SPHKAP: variants seen among roughly 807,000 people sequenced by gnomAD.
The protein encoded by SPHKAP is A-kinase anchor protein SPHKAP.
In SPHKAP, 67 loss-of-function variants were observed where a neutral mutation model predicts 137.5. That is an observed-to-expected ratio of 0.49 (90% confidence interval 0.40 to 0.60). The LOEUF (loss-of-function observed/expected upper bound fraction) is 0.60. SPHKAP is among the 20% of genes least tolerant of loss of function. The pLI, the probability that SPHKAP is intolerant of heterozygous loss-of-function variation, is 0.00. For synonymous variants in SPHKAP, 813 were observed against 785.3 expected, an observed-to-expected ratio of 1.04 and a Z score of -0.59; for missense variants, 2,097 against 2,069.3, an observed-to-expected ratio of 1.01 and a Z score of -0.26.
chr2:228,023,426 G>A (rs1694913687), intron 5 of SPHKAP, among the ~76,000 whole-genome samples: 1 of 152,170 alleles, frequency 6.6e-6, no homozygotes, highest in African/African-American at 2.4e-5. Context: ...CATTTCCAAT[G>A]AATCTGTTGG....
intron 3 of SPHKAP, among the ~76,000 whole-genome samples, chr2:228,099,306 G>A (rs745403973): frequency 4.6e-5 from 7 of 152,106 alleles, no homozygotes; most frequent in Non-Finnish European, 1.0e-4. Context: ...CTCATTGCTT[G>A]TTGTTTTTGT....
At position 228,058,935 on chromosome 2, in the gene SPHKAP, C is replaced by T. The variant is rs749239516; in HGVS notation, c.247-31392G>A. On this transcript the variant is annotated intron_variant, in intron 3 of 11. Transcript: ENST00000392056. The stretch of plus-strand genomic sequence containing the variant: ...TCTCCCAAGAATTCTCTGATGCTTG[C>T]CTTTCATAGGCAGACCCTCTCCCTC... 3.3e-5 allele frequency among the ~76,000 whole-genome samples: 5 copies of T among 152,220 alleles called. No homozygotes were observed. The South Asian group carries it at 8.3e-4, about 25-fold the overall frequency.
rs758211060 is a variant in SPHKAP at position 228,017,605 on chromosome 2, G to A, written c.3249C>T (p.Cys1083=). ...DRWSRLKASS[C]ESIPEEDSEA... ...CGGAGTCTTCCTCAGGAATGCTTTC[G>A]CAGCTGGAGGCCTTCAGCCGGCTCC... The change falls in exon 7 of 12, where the codon TGC becomes TGT. Residue 1083 remains cysteine (C), a synonymous_variant. Coordinates refer to ENST00000392056, the MANE Select transcript of SPHKAP (RefSeq NM_001142644.2). 28 of 1,613,710 alleles carry A rather than the reference G, an allele frequency of 1.7e-5. No individual in the cohort carries two copies. Among genetic ancestry groups the A allele is most frequent in the African/African-American group, 2.7e-5 (2 of 74,886 alleles).
At chr2:228,072,323 G>A (rs1697029907) in intron 3 of SPHKAP, among the ~76,000 whole-genome samples, 1 of 152,058 alleles carries the variant, frequency 6.6e-6, no homozygotes, top group African/African-American at 2.4e-5. Context: ...TCTACTATAA[G>A]TGTCTACTAA....
rs371183346 is a variant in SPHKAP at position 228,089,092 on chromosome 2, A to C, written c.246+19740T>G. Among the ~76,000 whole-genome samples the C allele has an allele frequency of 2.6e-5, 4 of 152,334 alleles. 1 individual carries two copies. The highest frequency in any genetic ancestry group is 9.6e-5 in the African/African-American group (4 of 41,580). On this transcript the variant is annotated intron_variant, in intron 3 of 11. Coordinates refer to ENST00000392056, the MANE Select transcript of SPHKAP (RefSeq NM_001142644.2). ...GAAGAAGACAGGAAAATGAGTTTGG[A>C]AAGTTTGCAAGTTCTTAGACAATTG...
chr2:228,178,103 C>T lies in SPHKAP; in HGVS notation c.32+3464G>A, dbSNP rs546706647. Among the ~76,000 whole-genome samples, 4 of 152,170 alleles carry T rather than the reference C, an allele frequency of 2.6e-5. No homozygotes were observed. The South Asian group carries it at 8.3e-4, about 32-fold the overall frequency. ...ATGGTCTCCTTGCTTTTAGGCTGCC[C>T]CCATGTGTTCTGATGGTATCAGTGT... On this transcript the variant is annotated intron_variant, in intron 1 of 11. Transcript: ENST00000392056.
At chr2:228,054,880 C>T (rs1277768988) in intron 3 of SPHKAP, among the ~76,000 whole-genome samples, 2 of 151,790 alleles carry the variant, frequency 1.3e-5, no homozygotes, top group Non-Finnish European at 2.9e-5. Flanking sequence ...AAGTGGTTTG[C>T]CTGTAATCTC....
At chr2:228,134,971 C>T (rs528353390) in intron 1 of SPHKAP, among the ~76,000 whole-genome samples, 9 of 152,186 alleles carry the variant, frequency 5.9e-5, no homozygotes, top group African/African-American at 2.2e-4. Flanking sequence ...AGATATGAAA[C>T]GTCGTAGAAA....
At chr2:228,109,845 T>C (rs1698460770) in intron 2 of SPHKAP, among the ~76,000 whole-genome samples, 2 of 146,880 alleles carry the variant, frequency 1.4e-5, no homozygotes, top group Non-Finnish European at 3.0e-5. Context: ...TGCGCCCCTG[T>C]AATCCCAGCT....
intron 3 of SPHKAP, among the ~76,000 whole-genome samples, chr2:228,033,528 C>T (rs951665484): frequency 2.0e-5 from 3 of 152,266 alleles, no homozygotes; most frequent in East Asian, 1.9e-4. Flanking sequence ...AGCAAGCAGA[C>T]CTAATAGACA....
Position 228,005,591 on chromosome 2 carries a change from T to C in SPHKAP, c.4449-9897A>G, listed in dbSNP as rs565945356. On this transcript the variant is annotated intron_variant, in intron 7 of 11. Transcript: ENST00000392056. ...TTATGTGGGATTTTGATCATGTCTT[T>C]ATGATGTTAGCTGGTTGTTTTGCTC... Among the ~76,000 whole-genome samples the C allele has an allele frequency of 3.9e-5, 6 of 152,230 alleles. No homozygotes were observed. In the East Asian group the frequency reaches 5.8e-4, roughly 15 times the overall value.
In SPHKAP at chr2:228,019,718, G is replaced by A. The variant is rs376237457; in HGVS notation, c.1136C>T (p.Pro379Leu). The change falls in exon 7 of 12, where the codon CCT becomes CTT. Residue 379 changes from proline to leucine, a missense_variant. Coordinates refer to ENST00000392056, the MANE Select transcript of SPHKAP (RefSeq NM_001142644.2). ...GGTGACTTCTCCATCTTGTCTAGGA[G>A]GGAGAGCGTTTCTTGTGTCTTCATG... The part of the protein sequence containing the change: ...GDHEDTRNAL[P>L]PRQDGEVTTG... The A allele has an allele frequency of 5.6e-6, 9 of 1,614,060 alleles. No individual in the cohort carries two copies. The highest frequency in any genetic ancestry group is 7.6e-6 in the Non-Finnish European group (9 of 1,180,032).
intron 1 of SPHKAP, among the ~76,000 whole-genome samples, chr2:228,166,077 C>G (rs13431126): frequency 6.6e-6 from 1 of 152,018 alleles, no homozygotes; most frequent in Non-Finnish European, 1.5e-5. Flanking sequence ...AGAAAATCCA[C>G]GAGGACTATG....
Position 228,131,999 on chromosome 2 carries a change from G to A in SPHKAP, c.119C>T (p.Ser40Phe). 1.9e-6 allele frequency: 3 copies of A among 1,613,978 alleles called. No homozygotes were observed. Among genetic ancestry groups the A allele is most frequent in the Non-Finnish European group, 2.5e-6 (3 of 1,179,946 alleles). ...GGTTACCTTCTTACAGGCTGTGATGGAGTTCCCCGGGCCGCTTCCTGAGCT... is the reference window on the plus strand; with the variant it reads ...GGTTACCTTCTTACAGGCTGTGATGAAGTTCCCCGGGCCGCTTCCTGAGCT... ...CGSSGSGPGN[S>F]ITACKKVLRS... Residue 40 changes from serine (S) to phenylalanine (F), a missense_variant, in exon 2 of 12, where the codon TCC becomes TTC. By Grantham distance (155) the Ser-to-Phe change is radical (BLOSUM62 -2). Transcript: ENST00000392056.
chr2:228,061,612 A>G (rs1405591275), intron 3 of SPHKAP, among the ~76,000 whole-genome samples: 1 of 152,072 alleles, frequency 6.6e-6, no homozygotes. Context: ...TGGATTCTCA[A>G]TTTTACCCAT....
In SPHKAP at chr2:228,050,219, A is replaced by G. The variant is rs956618828; in HGVS notation, c.247-22676T>C. On this transcript the variant is annotated intron_variant, in intron 3 of 11. Transcript: ENST00000392056. ...ATGTCAGGGCTTGAAGGAAAGGAAC[A>G]CTTAGAAACTGTTGATGGGAAAAAT... 3.3e-5 allele frequency among the ~76,000 whole-genome samples: 5 copies of G among 152,196 alleles called. No homozygotes were observed. The East Asian group carries it at 7.7e-4, about 23-fold the overall frequency.
intron 3 of SPHKAP, among the ~76,000 whole-genome samples, chr2:228,031,942 C>T (rs1278088513): frequency 6.6e-6 from 1 of 152,088 alleles, no homozygotes; most frequent in African/African-American, 2.4e-5. Context: ...GAAAAAACAG[C>T]AGAAAAACTG....
chr2:227,981,833 G>A lies in SPHKAP; in HGVS notation c.4987C>T (p.Arg1663Trp), dbSNP rs62621004. 4.3e-5 allele frequency: 70 copies of A among 1,613,574 alleles called. No individual in the cohort carries two copies. The highest frequency in any genetic ancestry group is 5.8e-5 in the Non-Finnish European group (68 of 1,179,706). Residue 1663 changes from arginine to tryptophan, a missense_variant, in exon 12 of 12, where the codon CGG becomes TGG. Transcript: ENST00000392056. ...KFLDVVQLVH[R>W]KSWKVGDIFH... ...ATATCACCCACTTTCCAGGACTTCC[G>A]ATGAACCAGCTGCACGACATCTAGA...
intron 3 of SPHKAP, chr2:228,028,093 T>G (rs895953715): frequency 1.0e-6 from 1 of 983,684 alleles, no homozygotes; most frequent in Non-Finnish European, 1.2e-6. Flanking sequence ...TGGCCCAACA[T>G]ACTAAAAAAG....
Sources: gnomAD v4.1 joint callset for allele counts (sites outside exome capture counted in the v4.1 genomes callset) on GRCh38, gnomAD v4.1.1 for gene constraint, MANE v1.5 for transcripts, NCBI Gene and HGNC (gene_info 2026-07-23, HGNC 2026-07-21) for gene names.